Variants in SP4 observed in about 807,000 individuals in gnomAD.
The protein encoded by SP4 is Sp4 transcription factor, also known as transcription factor Sp4.
In SP4, 19 loss-of-function variants were observed where a neutral mutation model predicts 72.8. The observed-to-expected ratio is 0.26, with a 90% CI of 0.18 to 0.38. SP4 has a LOEUF of 0.38. Ranked by LOEUF, SP4 falls within the 10% of genes least tolerant of loss-of-function variation. The pLI is 1.00. For synonymous variants in SP4, 395 were observed against 333.1 expected (o/e 1.19, Z -2.02); for missense variants, 1,008 against 926.3 (o/e 1.09, Z -1.14).
At chr7:21,507,809 C>A (rs879409140) in intron 5 of SP4, among the ~76,000 whole-genome samples, 14 of 152,008 alleles carry the variant, frequency 9.2e-5, no homozygotes, top group Non-Finnish European at 1.9e-4. Flanking sequence ...GTTCTCAGCA[C>A]CCCCTACTGG....
At chr7:21,504,663 A>G (rs1377136086) in intron 5 of SP4, among the ~76,000 whole-genome samples, 1 of 152,150 alleles carries the variant, frequency 6.6e-6, no homozygotes, top group African/African-American at 2.4e-5. Flanking sequence ...ATTTAGGCAA[A>G]TATTTGTTGT....
intron 3 of SP4, among the ~76,000 whole-genome samples, chr7:21,459,607 A>G (rs916574756): frequency 6.6e-6 from 1 of 152,232 alleles, no homozygotes; most frequent in African/African-American, 2.4e-5. Flanking sequence ...GAATCGTTTG[A>G]TGATCACTGT....
intron 5 of SP4, among the ~76,000 whole-genome samples, chr7:21,498,881 C>T (rs952584839): frequency 8.6e-5 from 13 of 151,802 alleles, no homozygotes; most frequent in East Asian, 3.9e-4. Context: ...GTCAGGAGAT[C>T]GAGACCATCC....
chr7:21,434,745 C>T (rs1480040434), intron 3 of SP4, among the ~76,000 whole-genome samples: 4 of 151,920 alleles, frequency 2.6e-5, no homozygotes, highest in African/African-American at 9.7e-5. Context: ...TATTTTTTTC[C>T]ACCCTCACCC....
intron 3 of SP4, among the ~76,000 whole-genome samples, chr7:21,445,143 C>G (rs1335002556): frequency 1.3e-5 from 2 of 152,080 alleles, no homozygotes; most frequent in Admixed American, 1.3e-4. Flanking sequence ...AATATAAGCG[C>G]AATAAGAGTA....
At chr7:21,510,059 C>A (rs909801614) in intron 5 of SP4, among the ~76,000 whole-genome samples, 6 of 152,298 alleles carry the variant, frequency 3.9e-5, no homozygotes, top group Non-Finnish European at 8.8e-5. Flanking sequence ...TTCTCAAGAA[C>A]AGTATGGGGA....
chr7:21,440,309 T>C (rs547647724), intron 3 of SP4, among the ~76,000 whole-genome samples: 1 of 152,284 alleles, frequency 6.6e-6, no homozygotes, highest in East Asian at 1.9e-4. Context: ...TGAAAAGGCT[T>C]TGAATAATGT....
intron 4 of SP4, among the ~76,000 whole-genome samples, 179 bp from the exon 5 acceptor site, chr7:21,481,745 C>T (rs1583431184): frequency 6.6e-6 from 1 of 152,274 alleles, no homozygotes; most frequent in East Asian, 1.9e-4. Flanking sequence ...ATTTGGTACA[C>T]AGACCTGTTT....
intron 3 of SP4, among the ~76,000 whole-genome samples, chr7:21,457,404 A>G (rs1202830960): frequency 1.3e-5 from 2 of 152,138 alleles, no homozygotes; most frequent in East Asian, 3.9e-4. Flanking sequence ...CGCTTCCTCC[A>G]GTGTATAGAT....
chr7:21,477,660 C>G (rs1484054244), intron 4 of SP4, among the ~76,000 whole-genome samples: 1 of 151,312 alleles, frequency 6.6e-6, no homozygotes. Context: ...CCTCAGCCTT[C>G]CGAGTAGCTG....
intron 3 of SP4, among the ~76,000 whole-genome samples, chr7:21,465,640 C>G (rs114882214): frequency 0.013 from 2,028 of 152,284 alleles, 38 homozygotes; most frequent in African/African-American, 0.047. Context: ...GATTCCCTCT[C>G]TCCTACCCTA....
intron 5 of SP4, among the ~76,000 whole-genome samples, chr7:21,505,943 G>C (rs1009219694): frequency 6.6e-6 from 1 of 152,062 alleles, no homozygotes; most frequent in Non-Finnish European, 1.5e-5. Context: ...TTAACCCTCT[G>C]TTGCCTTCCC....
intron 3 of SP4, among the ~76,000 whole-genome samples, chr7:21,460,160 G>A (rs562372798): frequency 6.6e-6 from 1 of 152,322 alleles, no homozygotes; most frequent in African/African-American, 2.4e-5. Context: ...TCCGGAATTG[G>A]TGGGTTCTTG....
chr7:21,464,649 A>G (rs1031357670), intron 3 of SP4, among the ~76,000 whole-genome samples: 18 of 151,026 alleles, frequency 1.2e-4, no homozygotes, highest in African/African-American at 4.1e-4. Context: ...TCCTGGGCTC[A>G]GGCAGTTCTC....
intron 3 of SP4, among the ~76,000 whole-genome samples, chr7:21,446,957 A>G (rs2128396842): frequency 6.6e-6 from 1 of 152,094 alleles, no homozygotes; most frequent in South Asian, 2.1e-4. Flanking sequence ...CATTTTTAGG[A>G]TTCACAGAAT....
At position 21,492,159 on chromosome 7, in the gene SP4, A is replaced by G. The variant is rs950369191; in HGVS notation, c.2107+10036A>G. ...ATATAACAGAAAGGGAGGGTAAGGA[A>G]GCCAATAGTTAAAAAGCTGCTTTGT... On this transcript the variant is annotated intron_variant, in intron 5 of 5. Coordinates refer to ENST00000222584, the MANE Select transcript of SP4 (RefSeq NM_003112.5). 2.0e-5 allele frequency among the ~76,000 whole-genome samples: 3 copies of G among 152,176 alleles called. 1 individual carries two copies. The South Asian group carries it at 6.2e-4, about 32-fold the overall frequency.
chr7:21,503,020 T>C (rs957082971), intron 5 of SP4, among the ~76,000 whole-genome samples: 1 of 152,048 alleles, frequency 6.6e-6, no homozygotes, highest in African/African-American at 2.4e-5. Flanking sequence ...GACTCGAGTA[T>C]AGTGAGTCCA....
intron 3 of SP4, among the ~76,000 whole-genome samples, chr7:21,452,207 T>A (rs1175394844): frequency 6.6e-6 from 1 of 152,238 alleles, no homozygotes; most frequent in Non-Finnish European, 1.5e-5. Flanking sequence ...ATGATAGGAC[T>A]GATTTGTTTG....
intron 2 of SP4, 152 bp from the exon 3 acceptor site, chr7:21,429,137 C>G (rs535431874): frequency 5.0e-6 from 3 of 595,420 alleles, no homozygotes; most frequent in Non-Finnish European, 8.9e-6. Flanking sequence ...TTCTTATCTA[C>G]TTTTGTTCGT....
Sources: allele counts gnomAD v4.1 joint callset (sites outside exome capture counted in the v4.1 genomes callset), GRCh38; gene constraint gnomAD v4.1.1; transcripts MANE v1.5; gene names NCBI Gene and HGNC (gene_info 2026-07-23, HGNC 2026-07-21).